FOXP4: variants seen among roughly 807,000 people sequenced by gnomAD.
The protein encoded by FOXP4 is forkhead box protein P4.
FOXP4 carries 25 observed loss-of-function variants against 82.6 expected under a neutral mutation model. The ratio of observed to expected loss-of-function variants is 0.30; its 90% CI spans 0.22 to 0.42. FOXP4 has a LOEUF of 0.42. FOXP4 is among the 10% of genes least tolerant of loss of function. The pLI is 1.00. For missense variants in FOXP4, 785 were observed against 900.9 expected, an observed-to-expected ratio of 0.87 and a Z score of 1.65; for synonymous variants, 415 against 388.2, an observed-to-expected ratio of 1.07 and a Z score of -0.81.
At chr6:41,589,494 A>G (rs1766360700) in intron 9 of FOXP4, among the ~76,000 whole-genome samples, 1 of 152,242 alleles carries the variant, frequency 6.6e-6, no homozygotes, top group African/African-American at 2.4e-5. Flanking sequence ...ATGTAGAGGC[A>G]GGGATAAGCT....
At chr6:41,559,657 T>A (rs1764459504) in intron 1 of FOXP4, among the ~76,000 whole-genome samples, 1 of 152,196 alleles carries the variant, frequency 6.6e-6, no homozygotes, top group Non-Finnish European at 1.5e-5. Context: ...TTCAGGTAGA[T>A]CCCCAGTGCT....
Position 41,598,651 on chromosome 6 carries a change from C to T in FOXP4, c.1896-138C>T, listed in dbSNP as rs1397271320. 4 of 1,256,942 alleles carry T rather than the reference C, an allele frequency of 3.2e-6. No individual in the cohort carries two copies. In the African/African-American group the frequency reaches 4.5e-5, roughly 14 times the overall value. 77.9% of individuals were successfully genotyped at this position (1,256,942 alleles called of 1,614,324 possible). On this transcript the variant is annotated intron_variant, in intron 16 of 16. Transcript: ENST00000307972. Reference sequence around the variant, plus strand: ...GAAGAGAGCCCTAGGGGAGATCAGCCCTCAGGTCTGATGGGATCCTGGGGA... The same window carrying T: ...GAAGAGAGCCCTAGGGGAGATCAGCTCTCAGGTCTGATGGGATCCTGGGGA...
At chr6:41,553,696 G>A (rs182804417) in intron 1 of FOXP4, among the ~76,000 whole-genome samples, 271 of 152,322 alleles carry the variant, frequency 1.8e-3, no homozygotes, top group Non-Finnish European at 3.1e-3. Flanking sequence ...CTAGGGGAGG[G>A]AGGAAGAGCT....
intron 1 of FOXP4, among the ~76,000 whole-genome samples, chr6:41,563,793 A>G (rs1385501059): frequency 6.6e-6 from 1 of 152,164 alleles, no homozygotes. Flanking sequence ...CAGGTTCCAC[A>G]TCCGTGGATT....
At position 41,591,558 on chromosome 6, in the gene FOXP4, G is replaced by T. The variant is rs948858063; in HGVS notation, c.1536+236G>T. 1.3e-5 allele frequency among the ~76,000 whole-genome samples: 2 copies of T among 152,172 alleles called. No individual in the cohort carries two copies. Among genetic ancestry groups the T allele is most frequent in the Non-Finnish European group, 2.9e-5 (2 of 68,022 alleles). ...CCTGGTGCTGCCTCCTTTCTGGGAAGCAATCCTTCTCTAGGGTACACCCCC... is the reference window on the plus strand; with the variant it reads ...CCTGGTGCTGCCTCCTTTCTGGGAATCAATCCTTCTCTAGGGTACACCCCC... On this transcript the variant is annotated intron_variant, in intron 13 of 16. Coordinates refer to ENST00000307972, the MANE Select transcript of FOXP4 (RefSeq NM_001012426.2). The surrounding 1 kb of genome is among the most constrained non-coding windows in gnomAD (Gnocchi z 4.2).
intron 1 of FOXP4, among the ~76,000 whole-genome samples, chr6:41,563,205 G>T (rs1764687443): frequency 2.0e-5 from 3 of 152,170 alleles, no homozygotes; most frequent in Non-Finnish European, 4.4e-5. Flanking sequence ...AGATGAAGAG[G>T]GGCCACAGGA....
At chr6:41,596,886 T>G (rs956182525) in intron 14 of FOXP4, among the ~76,000 whole-genome samples, 1 of 151,278 alleles carries the variant, frequency 6.6e-6, no homozygotes, top group Non-Finnish European at 1.5e-5. Flanking sequence ...AGGCAGACAC[T>G]GGGGGGATGC....
Position 41,599,765 on chromosome 6 carries a change from C to G in FOXP4, c.*829C>G, listed in dbSNP as rs1767110871. 6.6e-6 allele frequency: 1 copy of G among 152,290 alleles called. No homozygotes were observed. The allele number at this position is 152,290 out of a possible 1,614,324, so 9.4% of individuals were successfully genotyped here. A position where few individuals can be genotyped will look rare whatever the true frequency, so the allele number is the denominator to read the frequency against. ...AGAGGCGGGGCCTGGGCCGGGAGCC[C>G]AGGGGAAGGCCAGGCTGGACCCCGG... On this transcript the variant is annotated 3_prime_UTR_variant, in exon 17 of 17. Transcript: ENST00000307972.
intron 2 of FOXP4, among the ~76,000 whole-genome samples, chr6:41,568,553 C>T (rs1765010632): frequency 6.6e-6 from 1 of 152,192 alleles, no homozygotes; most frequent in Non-Finnish European, 1.5e-5. Context: ...TCATTTCCAA[C>T]CTGAAAGGGT....
rs1581793805 is a variant in FOXP4 at position 41,597,068 on chromosome 6, G to A, written c.1659-108G>A. On this transcript the variant is annotated intron_variant, in intron 14 of 16. Transcript: ENST00000307972. ...GATCCGCCCTGGCCTCCCGGAATAG[G>A]GAATGGGACCCATTCCCAGCACAGG... 5.9e-6 allele frequency: 7 copies of A among 1,189,542 alleles called. No homozygotes were observed. The East Asian group carries it at 1.4e-4, about 24-fold the overall frequency. The allele number at this position is 1,189,542 out of a possible 1,614,324, so 73.7% of individuals were successfully genotyped here. A position where few individuals can be genotyped will look rare whatever the true frequency, so the allele number is the denominator to read the frequency against.
At chr6:41,578,731 G>T (rs1183728378) in intron 3 of FOXP4, among the ~76,000 whole-genome samples, 7 of 151,486 alleles carry the variant, frequency 4.6e-5, no homozygotes, top group Non-Finnish European at 8.9e-5. Context: ...GGGTGGGGGA[G>T]CCAGGCCTTC....
chr6:41,551,006 A>T (rs1562003716), intron 1 of FOXP4, among the ~76,000 whole-genome samples: 1 of 152,188 alleles, frequency 6.6e-6, no homozygotes, highest in Non-Finnish European at 1.5e-5. Context: ...TTGAGCCTGA[A>T]GTTATTGGCT....
chr6:41,563,506 A>G (rs76116325), intron 1 of FOXP4, among the ~76,000 whole-genome samples: 2,737 of 152,258 alleles, frequency 0.018, 78 homozygotes, highest in African/African-American at 0.063. Flanking sequence ...GGGTGTGCCT[A>G]GGCCAAAAGA....
Position 41,587,474 on chromosome 6 carries a change from C to T in FOXP4, c.834C>T (p.Pro278=), listed in dbSNP as rs35584312. 2.1e-3 allele frequency: 3,215 copies of T among 1,541,832 alleles called. 66 individuals carry two copies. In the African/African-American group the frequency reaches 0.039, roughly 19 times the overall value. Residue 278 remains proline (P), a synonymous_variant, in exon 7 of 17, where the codon CCC becomes CCT. Coordinates refer to ENST00000307972, the MANE Select transcript of FOXP4 (RefSeq NM_001012426.2). Reference sequence around the variant, plus strand: ...CCCCCCTCTCCCACCATACCCTGCCCAACGGACAGCCTACTGTGCTCACAT... The same window carrying T: ...CCCCCCTCTCCCACCATACCCTGCCTAACGGACAGCCTACTGTGCTCACAT... ...VSPPLSHHTL[P]NGQPTVLTSR...
intron 3 of FOXP4, 95 bp from the exon 4 acceptor site, chr6:41,584,674 G>A (rs1765993339): frequency 1.4e-6 from 2 of 1,418,788 alleles, no homozygotes; most frequent in South Asian, 1.5e-5. Flanking sequence ...CAGCCTCCCT[G>A]GGAGCCACTC....
At chr6:41,565,651 C>A in intron 1 of FOXP4, 94 bp from the exon 2 acceptor site, 1 of 1,164,304 alleles carries the variant, frequency 8.6e-7, no homozygotes, top group Non-Finnish European at 1.2e-6. Flanking sequence ...CCCAGCTACT[C>A]CTGTGGCGAT....
rs918484526 is a variant in FOXP4 at position 41,582,435 on chromosome 6, G to A, written c.301-2334G>A. Among the ~76,000 whole-genome samples, 10 of 152,248 alleles carry A rather than the reference G, an allele frequency of 6.6e-5. No individual in the cohort carries two copies. The South Asian group carries it at 8.3e-4, about 13-fold the overall frequency. The stretch of plus-strand genomic sequence containing the variant: ...TGCCCCAAATCCCAGTTAGCCGACC[G>A]GGAAAGTGAGGCTTGGTGATTTCAA... On this transcript the variant is annotated intron_variant, in intron 3 of 16. Transcript: ENST00000307972.
chr6:41,577,124 C>T (rs1765531141), intron 2 of FOXP4, among the ~76,000 whole-genome samples: 2 of 152,114 alleles, frequency 1.3e-5, no homozygotes, highest in African/African-American at 4.8e-5. Context: ...CACTGACCCA[C>T]TGGAGTGATT....
At chr6:41,548,500 A>T (rs1396195095) in intron 1 of FOXP4, 1 of 152,406 alleles carries the variant, frequency 6.6e-6, no homozygotes, top group Non-Finnish European at 1.5e-5. Flanking sequence ...AATTGTTAGG[A>T]CTGGCCCGAG....
Sources: allele counts gnomAD v4.1 joint callset (sites outside exome capture counted in the v4.1 genomes callset), GRCh38; gene constraint gnomAD v4.1.1; non-coding constraint Gnocchi (gnomAD v3.1); transcripts MANE v1.5; gene names NCBI Gene and HGNC (gene_info 2026-07-23, HGNC 2026-07-21).